Variants in PLEKHH2 observed in about 807,000 individuals in gnomAD.
PLEKHH2 encodes pleckstrin homology domain-containing family H member 2.
Under a neutral mutation model 187.9 loss-of-function variants are expected in PLEKHH2, and 129 were observed. The observed-to-expected ratio is 0.69, with a 90% CI of 0.59 to 0.79. The LOEUF (loss-of-function observed/expected upper bound fraction) is 0.79. PLEKHH2 is among the 30% of genes least tolerant of loss of function. PLEKHH2 has a pLI of 0.00. For synonymous variants in PLEKHH2, 686 were observed against 605.6 expected (o/e 1.13, Z -1.95); for missense variants, 2,076 against 1,751.2 (o/e 1.19, Z -3.31).
In PLEKHH2 at chr2:43,650,525, C is replaced by T. The variant is rs1360644826; in HGVS notation, c.123+5729C>T. Among the ~76,000 whole-genome samples the T allele has an allele frequency of 3.9e-5, 6 of 152,126 alleles. No homozygotes were observed. In the South Asian group the frequency reaches 1.2e-3, roughly 31 times the overall value. On this transcript the variant is annotated intron_variant, in intron 2 of 29. Transcript: ENST00000282406. The stretch of plus-strand genomic sequence containing the variant: ...TCTATATTGTGAAAGTAAAAACTTA[C>T]ATGAATATTGTCTGCATTGCTTTTT...
chr2:43,742,932 T>C lies in PLEKHH2; in HGVS notation c.3399+14T>C, dbSNP rs531659838. 58 of 1,480,578 alleles carry C rather than the reference T, an allele frequency of 3.9e-5. 1 individual carries two copies. In the South Asian group the frequency reaches 6.9e-4, roughly 18 times the overall value. The allele number at this position is 1,480,578 out of a possible 1,614,324, so 91.7% of individuals were successfully genotyped here. The stretch of plus-strand genomic sequence containing the variant: ...GGGATATACCAGGTAGGTTACCTGA[T>C]GAAAATATGCTTAGCCAACAATCCT... On this transcript the variant is annotated intron_variant, in intron 22 of 29. Coordinates refer to ENST00000282406, the MANE Select transcript of PLEKHH2 (RefSeq NM_172069.4).
At chr2:43,669,525 GA>G (rs1667396319) in intron 2 of PLEKHH2, among the ~76,000 whole-genome samples, 1 of 152,152 alleles carries the variant, frequency 6.6e-6, no homozygotes, top group Non-Finnish European at 1.5e-5. Flanking sequence ...TTAACAAAAT[GA>G]TATAAGACAC....
chr2:43,731,949 A>G lies in PLEKHH2; in HGVS notation c.2943+347A>G, dbSNP rs149030864. Reference sequence around the variant, plus strand: ...AGCACTCTCTCTCCTCTCTAGTGTTACTCTCAATTTCTTATTCCTCAATCT... The same window carrying G: ...AGCACTCTCTCTCCTCTCTAGTGTTGCTCTCAATTTCTTATTCCTCAATCT... On this transcript the variant is annotated intron_variant, in intron 19 of 29. Coordinates refer to ENST00000282406, the MANE Select transcript of PLEKHH2 (RefSeq NM_172069.4). Among the ~76,000 whole-genome samples, 843 of 152,204 alleles carry G rather than the reference A, an allele frequency of 5.5e-3. 7 individuals are homozygous for G. The highest frequency in any genetic ancestry group is 0.019 in the African/African-American group (785 of 41,536).
At chr2:43,649,764 G>A (rs1407477161) in intron 2 of PLEKHH2, among the ~76,000 whole-genome samples, 1 of 152,176 alleles carries the variant, frequency 6.6e-6, no homozygotes, top group African/African-American at 2.4e-5. Flanking sequence ...ATAATGTTTG[G>A]TGGTAGAATC....
At chr2:43,747,225 T>C (rs946243325) in intron 24 of PLEKHH2, among the ~76,000 whole-genome samples, 4 of 152,102 alleles carry the variant, frequency 2.6e-5, no homozygotes, top group African/African-American at 9.7e-5. Context: ...CAGTTCCTGA[T>C]CTTTTGGAAT....
intron 19 of PLEKHH2, among the ~76,000 whole-genome samples, chr2:43,732,532 T>C (rs890162425): frequency 5.9e-5 from 9 of 152,310 alleles, no homozygotes; most frequent in African/African-American, 2.2e-4. Context: ...CCATTTTCCA[T>C]GTCCACACCT....
At chr2:43,762,991 A>C (rs961378214) in intron 28 of PLEKHH2, among the ~76,000 whole-genome samples, 1 of 152,160 alleles carries the variant, frequency 6.6e-6, no homozygotes, top group Admixed American at 6.5e-5. Context: ...TGGCAGGTCT[A>C]ATCCTGTGGC....
rs374959209 is a variant in PLEKHH2, at chr2:43,700,090, G to C, written c.1132G>C (p.Glu378Gln). 2 of 1,614,064 alleles carry C rather than the reference G, an allele frequency of 1.2e-6. No homozygotes were observed. The highest frequency in any genetic ancestry group is 1.7e-6 in the Non-Finnish European group (2 of 1,180,000). The stretch of plus-strand genomic sequence containing the variant: ...GGGAAATTCTGAATTAAGTAAAAAG[G>C]AACAAGATAGTTCCTCGGATGAACT... ...GKGNSELSKK[E>Q]QDSSSDELNK... The change falls in exon 8 of 30, where the codon GAA becomes CAA. Residue 378 changes from glutamate (E) to glutamine (Q), a missense_variant. Transcript: ENST00000282406.
chr2:43,729,198 G>GA (rs906235443), intron 17 of PLEKHH2, among the ~76,000 whole-genome samples: 1 of 152,024 alleles, frequency 6.6e-6, no homozygotes, highest in African/African-American at 2.4e-5. Context: ...TTATCATAGA[G>GA]AAAAAAAGAC....
intron 2 of PLEKHH2, among the ~76,000 whole-genome samples, chr2:43,677,207 T>A (rs1667857628): frequency 6.6e-6 from 1 of 151,952 alleles, no homozygotes; most frequent in Admixed American, 6.6e-5. Flanking sequence ...TTATGAGTTT[T>A]TTTTTTTTTA....
At chr2:43,745,811 A>C (rs1386012947) in intron 23 of PLEKHH2, 55 bp from the exon 24 acceptor site, 90 of 1,378,352 alleles carry the variant, frequency 6.5e-5, no homozygotes, top group Non-Finnish European at 9.0e-5. Context: ...ACTTGTCTTC[A>C]AAAAATGTTG....
rs1047059799 is a variant in PLEKHH2 at position 43,674,976 on chromosome 2, C to T, written c.124-3887C>T. Among the ~76,000 whole-genome samples the T allele has an allele frequency of 2.4e-4, 36 of 149,624 alleles. 1 individual carries two copies. The Middle Eastern group carries it at 0.014, about 57-fold the overall frequency. On this transcript the variant is annotated intron_variant, in intron 2 of 29. Transcript: ENST00000282406. ...CTCCAGCCTGGGTGACAAAGCAAGA[C>T]TCCATTTCAAAAAAAAAAAAAAATG...
rs1553336233 is a variant in PLEKHH2, at chr2:43,682,939, T to TATACAC, written c.186+4015_186+4016insTACACA. ...TTATGGCTGAATAATGTTCCATATA[T>TATACAC]ACACACACACACACACACACACAAT... On this transcript the variant is annotated intron_variant, in intron 3 of 29. Transcript: ENST00000282406. Among the ~76,000 whole-genome samples the TATACAC allele has an allele frequency of 3.7e-3, 550 of 149,848 alleles. 4 individuals are homozygous for TATACAC. The highest frequency in any genetic ancestry group is 0.013 in the African/African-American group (527 of 40,656).
At chr2:43,705,581 A>G (rs979439610) in intron 9 of PLEKHH2, among the ~76,000 whole-genome samples, 1 of 152,146 alleles carries the variant, frequency 6.6e-6, no homozygotes, top group Admixed American at 6.5e-5. Flanking sequence ...CCAATATTTC[A>G]ACATCAGATT....
rs142681837 is a variant in PLEKHH2, at chr2:43,739,501, T to C, written c.3123+981T>C. Among the ~76,000 whole-genome samples, 454 of 152,350 alleles carry C rather than the reference T, an allele frequency of 3.0e-3. 2 individuals carry two copies. The highest frequency in any genetic ancestry group is 0.011 in the African/African-American group (438 of 41,578). ...GACTGTCGGGGTTGGATCTAGGTTT[T>C]GTGAGACCGAAGCTTATACAGTTTG... On this transcript the variant is annotated intron_variant, in intron 20 of 29. Transcript: ENST00000282406.
intron 1 of PLEKHH2, among the ~76,000 whole-genome samples, chr2:43,640,739 C>T (rs1474212830): frequency 2.0e-5 from 3 of 151,972 alleles, no homozygotes; most frequent in Non-Finnish European, 4.4e-5. Context: ...GGATAAATCT[C>T]TATTCAGATA....
chr2:43,675,334 C>G (rs1667692314), intron 2 of PLEKHH2: 13 of 1,404,896 alleles, frequency 9.3e-6, no homozygotes, highest in Admixed American at 2.9e-5. Context: ...AGCCACATTT[C>G]AAGTGCTCTT....
At chr2:43,675,968 G>T (rs1275415740) in intron 2 of PLEKHH2, 1 of 1,613,942 alleles carries the variant, frequency 6.2e-7, no homozygotes, top group Admixed American at 1.7e-5. Flanking sequence ...GTCCTCATCT[G>T]TACCCACCTG....
At chr2:43,639,105 C>G (rs574980946) in intron 1 of PLEKHH2, among the ~76,000 whole-genome samples, 1 of 152,168 alleles carries the variant, frequency 6.6e-6, no homozygotes, top group Non-Finnish European at 1.5e-5. Flanking sequence ...TTGGGGTTAA[C>G]AGTTACCTCT....
Sources: gnomAD v4.1 joint callset for allele counts (sites outside exome capture counted in the v4.1 genomes callset) on GRCh38, gnomAD v4.1.1 for gene constraint, MANE v1.5 for transcripts, NCBI Gene and HGNC (gene_info 2026-07-23, HGNC 2026-07-21) for gene names.